The following UBR1 variants were observed in gnomAD, a reference collection of about 807,000 sequenced individuals.
UBR1 encodes E3 ubiquitin-protein ligase UBR1.
UBR1 carries 102 observed loss-of-function variants against 242.1 expected under a neutral mutation model. That is an observed-to-expected ratio of 0.42 (90% CI 0.36 to 0.50). UBR1 has a LOEUF of 0.50. Among genes scored for constraint, UBR1 ranks in the 20% least tolerant of loss-of-function variants. The pLI, the probability that UBR1 is intolerant of heterozygous loss-of-function variation, is 0.01. For missense variants in UBR1, 1,772 were observed against 2,101.8 expected (o/e 0.84, Z 3.07); for synonymous variants, 675 against 684.8 (o/e 0.99, Z 0.22).
intron 15 of UBR1, among the ~76,000 whole-genome samples, chr15:43,040,952 G>A (rs933196334): frequency 4.6e-5 from 7 of 152,272 alleles, no homozygotes; most frequent in Middle Eastern, 3.4e-3. Context: ...AACAAGTGCT[G>A]GAGAGGACGT....
chr15:43,030,850 T>C (rs759115033), intron 20 of UBR1, among the ~76,000 whole-genome samples: 42 of 152,262 alleles, frequency 2.8e-4, no homozygotes, highest in Non-Finnish European at 4.3e-4. Context: ...AGAGATTTGA[T>C]GAATTCTACA....
chr15:42,984,105 C>T (rs1395462775), intron 36 of UBR1, 112 bp from the exon 37 acceptor site: 2 of 679,850 alleles, frequency 2.9e-6, no homozygotes, highest in African/African-American at 1.8e-5. Context: ...TAGCTGCAGA[C>T]TCATTATATA....
intron 3 of UBR1, among the ~76,000 whole-genome samples, chr15:43,079,483 A>C (rs2033947939): frequency 6.6e-6 from 1 of 152,198 alleles, no homozygotes; most frequent in South Asian, 2.1e-4. Context: ...CTTTAAAGAT[A>C]AAAGTCCTGA....
chr15:43,086,369 G>A, intron 1 of UBR1, 129 bp from the exon 2 acceptor site: 2 of 1,003,054 alleles, frequency 2.0e-6, no homozygotes, highest in Non-Finnish European at 2.7e-6. Flanking sequence ...CACCAATACA[G>A]AAGGAAAGTG....
rs568050551 is a variant in UBR1 at position 42,971,924 on chromosome 15, C to A, written c.4370-1317G>T. On this transcript the variant is annotated intron_variant, in intron 39 of 46. Transcript: ENST00000290650. ...AATTGAGCAGAAAGTACAGAGGATTCCCTCTGTCTCTATGCACACACAACA... is the reference window on the plus strand; with the variant it reads ...AATTGAGCAGAAAGTACAGAGGATTACCTCTGTCTCTATGCACACACAACA... Among the ~76,000 whole-genome samples, 20 of 152,142 alleles carry A rather than the reference C, an allele frequency of 1.3e-4. No homozygotes were observed. The South Asian group carries it at 3.9e-3, about 30-fold the overall frequency.
intron 43 of UBR1, 84 bp downstream of exon 43, chr15:42,960,561 A>G (rs2031997721): frequency 5.1e-6 from 7 of 1,360,854 alleles, no homozygotes. Context: ...AAGAAAGCAG[A>G]CTAGAAACTA....
In UBR1 at chr15:43,022,889, G is replaced by A. The variant is rs754839774; in HGVS notation, c.2740-88C>T. The A allele has an allele frequency of 3.9e-6, 3 of 770,220 alleles. No homozygotes were observed. The Admixed American group carries it at 7.1e-5, about 18-fold the overall frequency. 47.7% of individuals were successfully genotyped at this position (770,220 alleles called of 1,614,324 possible). A position where few individuals can be genotyped will look rare whatever the true frequency, so the allele number is the denominator to read the frequency against. ...TAATTTTAATTTTTTTCAGAGACTG[G>A]TCTCACTCTGTCACCCAGGTTGGAG... On this transcript the variant is annotated intron_variant, in intron 25 of 46. Coordinates refer to ENST00000290650, the MANE Select transcript of UBR1 (RefSeq NM_174916.3).
intron 44 of UBR1, among the ~76,000 whole-genome samples, chr15:42,957,397 T>G (rs547015255): frequency 1.3e-5 from 2 of 152,036 alleles, no homozygotes; most frequent in Non-Finnish European, 2.9e-5. Context: ...GATTAGTGAG[T>G]ACAAGGTGAC....
chr15:43,055,355 A>T (rs2033604048), intron 11 of UBR1, among the ~76,000 whole-genome samples: 1 of 152,114 alleles, frequency 6.6e-6, no homozygotes, highest in South Asian at 2.1e-4. Context: ...GAGGCAGGAG[A>T]ATCGCTTGAA....
At chr15:43,017,638 T>G (rs1239236334) in intron 27 of UBR1, among the ~76,000 whole-genome samples, 1 of 151,976 alleles carries the variant, frequency 6.6e-6, no homozygotes, top group Non-Finnish European at 1.5e-5. Context: ...AGCAAAATCC[T>G]GTCTTTACTA....
intron 45 of UBR1, among the ~76,000 whole-genome samples, chr15:42,951,844 T>C (rs1295206847): frequency 6.6e-6 from 1 of 151,946 alleles, no homozygotes. Flanking sequence ...ACTCCTGACC[T>C]CAAGTGATCC....
In UBR1 at chr15:43,014,148, T is replaced by C. The variant is rs561260004; in HGVS notation, c.3209+1540A>G. Among the ~76,000 whole-genome samples the C allele has an allele frequency of 3.5e-3, 535 of 152,358 alleles. 2 individuals are homozygous for C. The highest frequency in any genetic ancestry group is 0.012 in the African/African-American group (510 of 41,588). On this transcript the variant is annotated intron_variant, in intron 29 of 46. Coordinates refer to ENST00000290650, the MANE Select transcript of UBR1 (RefSeq NM_174916.3). ...ATCCGCCAGCCTCGGCCTCCCGAGG[T>C]GCCGGGATTGCAGACGGAGTCTCGC...
At chr15:43,044,501 T>C (rs2033459286) in intron 14 of UBR1, among the ~76,000 whole-genome samples, 1 of 152,220 alleles carries the variant, frequency 6.6e-6, no homozygotes, top group Non-Finnish European at 1.5e-5. Flanking sequence ...AGATAATGTT[T>C]CTAATTTAAT....
chr15:43,067,286 C>T (rs189026905), intron 6 of UBR1, among the ~76,000 whole-genome samples: 3 of 151,808 alleles, frequency 2.0e-5, no homozygotes, highest in Admixed American at 6.6e-5. Context: ...GCTATACATA[C>T]GAAACACAGA....
intron 15 of UBR1, among the ~76,000 whole-genome samples, chr15:43,040,464 G>A (rs2033402582): frequency 6.6e-6 from 1 of 152,202 alleles, no homozygotes; most frequent in Non-Finnish European, 1.5e-5. Flanking sequence ...ATGGATTAAA[G>A]ACTTAAATGT....
intron 21 of UBR1, among the ~76,000 whole-genome samples, chr15:43,028,262 T>A (rs919534505): frequency 6.6e-6 from 1 of 152,172 alleles, no homozygotes; most frequent in Non-Finnish European, 1.5e-5. Context: ...TAGCAATACA[T>A]GTCTAGATGT....
chr15:42,964,148 T>C (rs1567109734), intron 41 of UBR1, 105 bp from the exon 42 acceptor site: 9 of 820,938 alleles, frequency 1.1e-5, no homozygotes, highest in Non-Finnish European at 1.8e-5. Context: ...ACTCTCCTTG[T>C]AGAGGGTATA....
intron 33 of UBR1, among the ~76,000 whole-genome samples, chr15:42,997,119 G>A (rs1341829649): frequency 3.9e-5 from 6 of 152,130 alleles, no homozygotes; most frequent in Admixed American, 6.5e-5. Context: ...GCATTGTCGC[G>A]TGAGCTCCGC....
chr15:42,977,463 A>G (rs944063578), intron 38 of UBR1, among the ~76,000 whole-genome samples: 1 of 152,238 alleles, frequency 6.6e-6, no homozygotes, highest in African/African-American at 2.4e-5. Context: ...CCATCCATCC[A>G]TAGGTGTTTT....
Sources: gnomAD v4.1 joint callset for allele counts (sites outside exome capture counted in the v4.1 genomes callset) on GRCh38, gnomAD v4.1.1 for gene constraint, MANE v1.5 for transcripts, NCBI Gene and HGNC (gene_info 2026-07-23, HGNC 2026-07-21) for gene names.